Variants in ZNF516 observed in about 807,000 individuals in gnomAD.
ZNF516 encodes the protein zinc finger protein 516.
In ZNF516, 19 loss-of-function variants were observed where a neutral mutation model predicts 79.7. The ratio of observed to expected loss-of-function variants is 0.24; its 90% confidence interval spans 0.17 to 0.35. ZNF516 has a LOEUF of 0.35. ZNF516 is among the 10% of genes least tolerant of loss of function. ZNF516 has a pLI of 1.00. For synonymous variants in ZNF516, 877 were observed against 739.5 expected, an observed-to-expected ratio of 1.19 and a Z score of -3.02; for missense variants, 1,678 against 1,679.5, an observed-to-expected ratio of 1.00 and a Z score of 0.02.
chr18:76,461,154 C>T (rs1260790840), intron 2 of ZNF516, among the ~76,000 whole-genome samples: 2 of 152,194 alleles, frequency 1.3e-5, no homozygotes, highest in African/African-American at 4.8e-5. Context: ...TGCACTCCAA[C>T]CTGGGCGACA....
chr18:76,417,917 C>G (rs1035390174), intron 3 of ZNF516, among the ~76,000 whole-genome samples: 1 of 152,180 alleles, frequency 6.6e-6, no homozygotes, highest in Non-Finnish European at 1.5e-5. Context: ...AGTTATCTTA[C>G]AAAGGATTCT....
chr18:76,425,389 C>T (rs1813236765), intron 3 of ZNF516, among the ~76,000 whole-genome samples: 1 of 152,172 alleles, frequency 6.6e-6, no homozygotes, highest in African/African-American at 2.4e-5. Context: ...TTAATCAAAA[C>T]TAAATAAGGC....
At chr18:76,389,356 T>C (rs1175234004) in intron 3 of ZNF516, 1 of 150,816 alleles carries the variant, frequency 6.6e-6, no homozygotes, top group East Asian at 1.9e-4. Flanking sequence ...ATAGGACAAA[T>C]AAACAGAAAT....
At chr18:76,427,709 G>A (rs997036676) in intron 3 of ZNF516, among the ~76,000 whole-genome samples, 3 of 152,090 alleles carry the variant, frequency 2.0e-5, no homozygotes, top group Non-Finnish European at 2.9e-5. Flanking sequence ...CCAACAGAAC[G>A]TATTCAAAAC....
intron 3 of ZNF516, among the ~76,000 whole-genome samples, chr18:76,397,147 G>A (rs923388384): frequency 6.6e-5 from 10 of 152,164 alleles, no homozygotes; most frequent in African/African-American, 1.7e-4. Context: ...CAGAGGCACC[G>A]AGTCGGGGAG....
intron 3 of ZNF516, among the ~76,000 whole-genome samples, chr18:76,419,554 A>G (rs1284035163): frequency 6.6e-6 from 1 of 152,246 alleles, no homozygotes; most frequent in Non-Finnish European, 1.5e-5. Flanking sequence ...CTGTAGCTCC[A>G]TAATTCCATC....
chr18:76,406,501 T>C (rs1203998332), intron 3 of ZNF516, among the ~76,000 whole-genome samples: 1 of 151,948 alleles, frequency 6.6e-6, no homozygotes, highest in African/African-American at 2.4e-5. Flanking sequence ...GAGACGGAGG[T>C]TGCAGTGAGC....
In ZNF516 at chr18:76,362,530, C is replaced by A. The variant is rs767366466; in HGVS notation, c.3460G>T (p.Val1154Phe). 1 of 1,613,208 alleles carries A rather than the reference C, an allele frequency of 6.2e-7. No homozygotes were observed. The highest frequency in any genetic ancestry group is 8.5e-7 in the Non-Finnish European group (1 of 1,179,316). Residue 1154 changes from valine (V) to phenylalanine (F), a missense_variant, in exon 7 of 7, where the codon GTC becomes TTC. Val to Phe is a conservative substitution (Grantham distance 50). Transcript: ENST00000443185. ...CCCTTTCTCAGAGGCACTGTCTGGA[C>A]GGTACCTGTGTTAGAATGGTCTCTC... Reference protein sequence around the residue: ...QGRDHSNTGTVQTVPLRKGT With the variant: ...QGRDHSNTGTFQTVPLRKGT
At chr18:76,424,447 C>A in intron 3 of ZNF516, among the ~76,000 whole-genome samples, 1 of 148,544 alleles carries the variant, frequency 6.7e-6, no homozygotes, top group East Asian at 2.0e-4. Flanking sequence ...GGTGAAAAGG[C>A]TCCCTCGAGA....
Position 76,441,743 on chromosome 18 carries a change from C to A in ZNF516, c.1312G>T (p.Ala438Ser), listed in dbSNP as rs200736941. The A allele has an allele frequency of 4.4e-4, 690 of 1,572,878 alleles. 3 individuals carry two copies. The African/African-American group carries it at 8.4e-3, about 19-fold the overall frequency. ...TCCCCGGCCAGCGCCTCGTCCCAGG[C>A]CCCGTACTTGAGGTACTCGGCCGGC... Reference protein sequence around the residue: ...AEPAEYLKYGAWDEALAGDVA... With the variant: ...AEPAEYLKYGSWDEALAGDVA... The change falls in exon 3 of 7, where the codon GCC (alanine) becomes TCC (serine). Residue 438 changes from alanine to serine, a missense_variant. This residue lies in a region of ZNF516 where 1,294 missense variants were observed against 1,248.3 expected (regional missense o/e 1.04). Coordinates refer to ENST00000443185, the MANE Select transcript of ZNF516 (RefSeq NM_014643.4).
intron 3 of ZNF516, among the ~76,000 whole-genome samples, chr18:76,434,606 G>C (rs982525268): frequency 2.0e-5 from 3 of 152,226 alleles, no homozygotes; most frequent in Non-Finnish European, 4.4e-5. Flanking sequence ...TCTGCACAGA[G>C]TACCACGGCT....
At chr18:76,472,783 T>C (rs539707854) in intron 1 of ZNF516, among the ~76,000 whole-genome samples, 6 of 152,008 alleles carry the variant, frequency 3.9e-5, no homozygotes, top group Non-Finnish European at 8.8e-5. Context: ...GATCACTAAA[T>C]CCAGTAAGCA....
chr18:76,474,664 G>A (rs1028301381), intron 1 of ZNF516, among the ~76,000 whole-genome samples: 11 of 152,002 alleles, frequency 7.2e-5, no homozygotes, highest in African/African-American at 2.4e-4. Flanking sequence ...ATTTTAAAGA[G>A]TAACAATAAA....
chr18:76,382,264 C>T (rs1430951671), intron 3 of ZNF516, among the ~76,000 whole-genome samples: 1 of 152,028 alleles, frequency 6.6e-6, no homozygotes, highest in Non-Finnish European at 1.5e-5. Context: ...GGATGCACCA[C>T]GGATAAAAAC....
At chr18:76,406,496 G>A (rs1040177889) in intron 3 of ZNF516, among the ~76,000 whole-genome samples, 4 of 152,172 alleles carry the variant, frequency 2.6e-5, no homozygotes, top group Non-Finnish European at 5.9e-5. Flanking sequence ...CCCGGGAGAC[G>A]GAGGTTGCAG....
At chr18:76,476,257 G>A (rs1421675292) in intron 1 of ZNF516, among the ~76,000 whole-genome samples, 1 of 152,176 alleles carries the variant, frequency 6.6e-6, no homozygotes, top group African/African-American at 2.4e-5. Context: ...AGTATGAAAA[G>A]AAAGGTGCTA....
intron 3 of ZNF516, among the ~76,000 whole-genome samples, chr18:76,423,080 AG>A (rs1260194482): frequency 1.1e-4 from 16 of 152,212 alleles, no homozygotes; most frequent in Admixed American, 2.0e-4. Context: ...CGGAGACCCC[AG>A]GATTCAAGCA....
chr18:76,407,410 GA>G (rs1454453564), intron 3 of ZNF516, among the ~76,000 whole-genome samples: 1 of 152,182 alleles, frequency 6.6e-6, no homozygotes, highest in Non-Finnish European at 1.5e-5. Flanking sequence ...GAGCGACAGA[GA>G]CCCTGTCTCA....
chr18:76,370,727 A>C, intron 5 of ZNF516, 132 bp from the exon 6 acceptor site: 1 of 688,688 alleles, frequency 1.5e-6, no homozygotes, highest in Non-Finnish European at 2.2e-6. Flanking sequence ...GGAAAATACC[A>C]ATTTACCGTA....
Sources: gnomAD v4.1 joint callset for allele counts (sites outside exome capture counted in the v4.1 genomes callset) on GRCh38, gnomAD v4.1.1 for gene constraint, gnomAD v4.1.1 regional missense constraint, MANE v1.5 for transcripts, NCBI Gene and HGNC (gene_info 2026-07-23, HGNC 2026-07-21) for gene names.